RBM11: variants seen among roughly 807,000 people sequenced by gnomAD.
The protein encoded by RBM11 is RNA binding motif protein 11, also known as splicing regulator RBM11.
A neutral mutation model predicts 21.4 loss-of-function variants in RBM11; 18 were observed. The observed-to-expected ratio is 0.84, with a 90% CI of 0.58 to 1.25. The LOEUF (loss-of-function observed/expected upper bound fraction) is 1.25. RBM11 is among the 50% of genes most tolerant of loss of function. The pLI is 0.00. For synonymous variants in RBM11, 120 were observed against 116.3 expected (o/e 1.03, Z -0.20); for missense variants, 294 against 331.9 (o/e 0.89, Z 0.89).
chr21:14,227,075 G>A lies in RBM11; in HGVS notation c.628G>A (p.Ala210Thr), dbSNP rs1420144360. 3.7e-6 allele frequency: 6 copies of A among 1,613,038 alleles called. No homozygotes were observed. The highest frequency in any genetic ancestry group is 1.7e-5 in the Admixed American group (1 of 59,830). Residue 210 changes from alanine (A) to threonine (T), a missense_variant, in exon 5 of 5, where the codon GCA becomes ACA. By Grantham distance (58) the Ala-to-Thr change is moderately conservative. Transcript: ENST00000400577. Reference sequence around the variant, plus strand: ...GATGACAGCTCCACTTCCTAATAGTGCATCCGTGTCTTCCTCACTGAATCA... The same window carrying A: ...GATGACAGCTCCACTTCCTAATAGTACATCCGTGTCTTCCTCACTGAATCA... ...YQMTAPLPNSASVSSSLNHVP... is the reference protein window; with the variant it reads ...YQMTAPLPNSTSVSSSLNHVP...
chr21:14,224,459 C>A lies in RBM11; in HGVS notation c.354C>A (p.Gly118=). ...HNYRNEEMLV[G]RSSFPMQYFP... is the part of the protein sequence containing the mutation. ...AAAGGAATGAAGAAATGTTGGTGGG[C>A]AGATCTTCCTTTCCCATGCAGTATT... Residue 118 remains glycine, a synonymous_variant, in exon 4 of 5, where the codon GGC becomes GGA. Transcript: ENST00000400577. 1 of 1,560,738 alleles carries A rather than the reference C, an allele frequency of 6.4e-7. No individual in the cohort carries two copies. The highest frequency in any genetic ancestry group is 8.7e-7 in the Non-Finnish European group (1 of 1,151,004).
chr21:14,220,633 C>T (rs1600958770), intron 2 of RBM11, among the ~76,000 whole-genome samples: 1 of 152,070 alleles, frequency 6.6e-6, no homozygotes, highest in Non-Finnish European at 1.5e-5. Flanking sequence ...TAGGTTAGTG[C>T]AAAAGTAATT....
intron 2 of RBM11, among the ~76,000 whole-genome samples, chr21:14,219,956 C>A (rs1978518174): frequency 6.6e-6 from 1 of 152,070 alleles, no homozygotes; most frequent in South Asian, 2.1e-4. Flanking sequence ...GTAAGATAAT[C>A]GTTTTAGTAT....
At chr21:14,221,342 A>T (rs375624645) in intron 3 of RBM11, 173 bp downstream of exon 3, 1 of 827,882 alleles carries the variant, frequency 1.2e-6, no homozygotes. Flanking sequence ...TTTTCATTTA[A>T]AATTCAGTCT....
rs750523972 is a variant in RBM11 at position 14,219,576 on chromosome 21, C to T, written c.110C>T (p.Thr37Ile). 1.3e-6 allele frequency: 2 copies of T among 1,525,292 alleles called. No homozygotes were observed. The highest frequency in any genetic ancestry group is 8.9e-7 in the Non-Finnish European group (1 of 1,126,412). The allele number at this position is 1,525,292 out of a possible 1,614,324, so 94.5% of individuals were successfully genotyped here. A position where few individuals can be genotyped will look rare whatever the true frequency, so the allele number is the denominator to read the frequency against. ...AGTTTCTTATAGGCGGGGCCACTAA[C>T]CAAAGTGACTATATGCAAAGACAGA... ...YELFLQAGPL[T>I]KVTICKDREG... The change falls in exon 2 of 5, where the codon ACC (threonine) becomes ATC (isoleucine). Residue 37 changes from threonine (T) to isoleucine (I), a missense_variant. Coordinates refer to ENST00000400577, the MANE Select transcript of RBM11 (RefSeq NM_144770.5).
intron 1 of RBM11, among the ~76,000 whole-genome samples, chr21:14,218,573 C>T (rs1480645383): frequency 6.6e-6 from 1 of 151,996 alleles, no homozygotes; most frequent in Non-Finnish European, 1.5e-5. Flanking sequence ...GAAGCTAGTC[C>T]CTGGGAGAGC....
chr21:14,216,480 C>T (rs867465117), intron 1 of RBM11, among the ~76,000 whole-genome samples, 198 bp downstream of exon 1: 2 of 152,128 alleles, frequency 1.3e-5, no homozygotes, highest in Admixed American at 6.5e-5. Flanking sequence ...TCCCCATCCG[C>T]GCTGCAGAGT....
Position 14,219,618 on chromosome 21 carries a change from CTT to C in RBM11, c.155_156del (p.Phe52TrpfsTer6), listed in dbSNP as rs1330799234. 1 of 1,599,420 alleles carries C rather than the reference CTT, an allele frequency of 6.3e-7. No individual in the cohort carries two copies. Among genetic ancestry groups the C allele is most frequent in the Non-Finnish European group, 8.5e-7 (1 of 1,170,228 alleles). On this transcript the variant is annotated frameshift_variant, in exon 2 of 5. Transcript: ENST00000400577. LOFTEE classifies it high-confidence loss of function. ...AAAGACAGAGAAGGAAAGCCAAAGT[CTT>C]TTGGATTTGTCTGCTTTAAACACCC...
At chr21:14,216,379 C>G in intron 1 of RBM11, 97 bp downstream of exon 1, 1 of 959,886 alleles carries the variant, frequency 1.0e-6, no homozygotes. Context: ...CCCTTCCGTC[C>G]CATCCTGAGC....
chr21:14,224,168 CTGT>C (rs1978899895), intron 3 of RBM11, among the ~76,000 whole-genome samples: 2 of 152,136 alleles, frequency 1.3e-5, no homozygotes, highest in Admixed American at 6.5e-5. Flanking sequence ...GGCACCCATC[CTGT>C]TCCAATATGA....
At chr21:14,219,398 G>A (rs1978465634) in intron 1 of RBM11, among the ~76,000 whole-genome samples, 165 bp from the exon 2 acceptor site, 1 of 152,096 alleles carries the variant, frequency 6.6e-6, no homozygotes, top group South Asian at 2.1e-4. Context: ...AAAATACAAA[G>A]AAAGTGTGAG....
intron 4 of RBM11, among the ~76,000 whole-genome samples, chr21:14,225,433 T>A (rs1445617379): frequency 1.3e-5 from 2 of 152,212 alleles, no homozygotes; most frequent in Non-Finnish European, 2.9e-5. Flanking sequence ...GAACTCATTT[T>A]TTTTTAATTC....
At chr21:14,225,336 T>C (rs1979003717) in intron 4 of RBM11, among the ~76,000 whole-genome samples, 1 of 152,218 alleles carries the variant, frequency 6.6e-6, no homozygotes, top group South Asian at 2.1e-4. Context: ...GATTCTCAAT[T>C]GGTCGAGTAA....
At chr21:14,219,276 A>G (rs1423356424) in intron 1 of RBM11, among the ~76,000 whole-genome samples, 1 of 152,150 alleles carries the variant, frequency 6.6e-6, no homozygotes, top group Non-Finnish European at 1.5e-5. Flanking sequence ...ATGTTTTCTA[A>G]ATTGGTTTGT....
Position 14,221,172 on chromosome 21 carries a change from A to G in RBM11, c.332+3A>G, listed in dbSNP as rs756973512. The G allele has an allele frequency of 1.2e-5, 18 of 1,547,162 alleles. No individual in the cohort carries two copies. In the South Asian group the frequency reaches 2.1e-4, roughly 18 times the overall value. On this transcript the variant is annotated splice_donor_region_variant and intron_variant, in intron 3 of 4. Coordinates refer to ENST00000400577, the MANE Select transcript of RBM11 (RefSeq NM_144770.5). ...AAGATAAATTCACACAACTACAGGT[A>G]ATTTTAAAAATATTTCTCATCAAAG...
In RBM11 at chr21:14,224,399, T is replaced by C. The variant is rs779636433; in HGVS notation, c.333-39T>C. 9.2e-6 allele frequency: 14 copies of C among 1,520,310 alleles called. No homozygotes were observed. The East Asian group carries it at 3.2e-4, about 35-fold the overall frequency. The allele number at this position is 1,520,310 out of a possible 1,614,324, so 94.2% of individuals were successfully genotyped here. Reference sequence around the variant, plus strand: ...GAGAAAATGACATTTGTAATAGGAATTTTAAGATTTTATTACTTCTTCTTT... The same window carrying C: ...GAGAAAATGACATTTGTAATAGGAACTTTAAGATTTTATTACTTCTTCTTT... On this transcript the variant is annotated intron_variant, in intron 3 of 4. Coordinates refer to ENST00000400577, the MANE Select transcript of RBM11 (RefSeq NM_144770.5).
chr21:14,227,237 A>T lies in RBM11; in HGVS notation c.790A>T (p.Arg264Ter), dbSNP rs746572473. ...SDSDSSTDNN[R>*]GNECSQKFRK... The stretch of plus-strand genomic sequence containing the variant: ...TAGTGATAGTAGCACAGACAACAAC[A>T]GAGGCAACGAATGTAGCCAAAAGTT... The change falls in exon 5 of 5, where the codon AGA (arginine) becomes TGA (stop). Residue 264 changes from arginine (R) to a stop codon, truncating the protein, a stop_gained. Coordinates refer to ENST00000400577, the MANE Select transcript of RBM11 (RefSeq NM_144770.5). LOFTEE classifies it high-confidence loss of function. The T allele has an allele frequency of 6.2e-7, 1 of 1,613,910 alleles. No individual in the cohort carries two copies. The highest frequency in any genetic ancestry group is 8.5e-7 in the Non-Finnish European group (1 of 1,179,890).
At position 14,227,449 on chromosome 21, in the gene RBM11, T is replaced by A; in HGVS notation, c.*156T>A. Reference sequence around the variant, plus strand: ...CTGGTTTGCTGTTCAATTTTTGCCTTGAACGACAAAAGCTTTCTAAAAATA... The same window carrying A: ...CTGGTTTGCTGTTCAATTTTTGCCTAGAACGACAAAAGCTTTCTAAAAATA... On this transcript the variant is annotated 3_prime_UTR_variant, in exon 5 of 5. Coordinates refer to ENST00000400577, the MANE Select transcript of RBM11 (RefSeq NM_144770.5). The A allele has an allele frequency of 1.3e-6, 1 of 783,188 alleles. No individual in the cohort carries two copies. Among genetic ancestry groups the A allele is most frequent in the Non-Finnish European group, 1.9e-6 (1 of 525,014 alleles). 48.5% of individuals were successfully genotyped at this position (783,188 alleles called of 1,614,324 possible).
At chr21:14,220,841 G>A (rs1978606225) in intron 2 of RBM11, among the ~76,000 whole-genome samples, 1 of 152,122 alleles carries the variant, frequency 6.6e-6, no homozygotes, top group African/African-American at 2.4e-5. Context: ...ATCTTACAAA[G>A]TCCAACGTCA....
Sources: gnomAD v4.1 joint callset for allele counts (sites outside exome capture counted in the v4.1 genomes callset) on GRCh38, gnomAD v4.1.1 for gene constraint, MANE v1.5 for transcripts, NCBI Gene and HGNC (gene_info 2026-07-23, HGNC 2026-07-21) for gene names.